SMYD3: variants seen among roughly 807,000 people sequenced by gnomAD.
SMYD3 encodes SET and MYND domain containing 3.
A neutral mutation model predicts 57.7 loss-of-function variants in SMYD3; 36 were observed. The ratio of observed to expected loss-of-function variants is 0.62; its 90% CI spans 0.48 to 0.82. SMYD3 has a LOEUF of 0.82. SMYD3 is among the 40% of genes least tolerant of loss of function. SMYD3 has a pLI of 0.00. For missense variants in SMYD3, 515 were observed against 538.8 expected, an observed-to-expected ratio of 0.96 and a Z score of 0.44; for synonymous variants, 211 against 195.0, an observed-to-expected ratio of 1.08 and a Z score of -0.68.
chr1:245,892,592 C>A (rs1489635804), intron 8 of SMYD3, among the ~76,000 whole-genome samples: 1 of 152,160 alleles, frequency 6.6e-6, no homozygotes, highest in Admixed American at 6.5e-5. Flanking sequence ...GAACTAGAAC[C>A]CAACTTCTGC....
At chr1:245,956,058 G>A (rs899842102) in intron 5 of SMYD3, 1 of 984,132 alleles carries the variant, frequency 1.0e-6, no homozygotes, top group Non-Finnish European at 1.2e-6. Flanking sequence ...TCATTACTAG[G>A]TTATACAAAT....
chr1:245,856,237 CA>C (rs773538553), intron 10 of SMYD3, among the ~76,000 whole-genome samples: 1 of 152,232 alleles, frequency 6.6e-6, no homozygotes, highest in South Asian at 2.1e-4. Flanking sequence ...CCATTTCTCT[CA>C]ACTTTGTTGG....
intron 1 of SMYD3, among the ~76,000 whole-genome samples, chr1:246,435,454 A>G (rs1572498871): frequency 6.6e-6 from 1 of 152,106 alleles, no homozygotes; most frequent in East Asian, 1.9e-4. Context: ...CATGGAATAA[A>G]CAAAACAAAG....
chr1:246,390,849 G>GCAA (rs373260000), intron 1 of SMYD3, among the ~76,000 whole-genome samples: 3 of 151,788 alleles, frequency 2.0e-5, no homozygotes, highest in Admixed American at 6.6e-5. Flanking sequence ...CAGCACTAGA[G>GCAA]CAACAACAAC....
At chr1:245,785,160 G>A (rs2046984535) in intron 10 of SMYD3, among the ~76,000 whole-genome samples, 1 of 151,904 alleles carries the variant, frequency 6.6e-6, no homozygotes, top group African/African-American at 2.4e-5. Context: ...GGAATTACAG[G>A]CATGAGCCAT....
At chr1:246,346,154 G>A (rs1357661542) in intron 2 of SMYD3, among the ~76,000 whole-genome samples, 4 of 152,054 alleles carry the variant, frequency 2.6e-5, no homozygotes, top group Admixed American at 2.6e-4. Flanking sequence ...CGTGGTGGCG[G>A]GCACCTGTAG....
chr1:246,202,874 C>T lies in SMYD3; in HGVS notation c.531+124327G>A, dbSNP rs2062941742. On this transcript the variant is annotated intron_variant, in intron 5 of 11. Coordinates refer to ENST00000490107, the MANE Select transcript of SMYD3 (RefSeq NM_001167740.2). This position sits in a 1 kb window ranked among gnomAD's most constrained non-coding sequence, Gnocchi z 4.1. ...TGGGTGAGGTGGCTCACGCTTTAAT[C>T]CCAGCACTTTGGGAGGCCAAGATAG... is the stretch of plus-strand genomic sequence containing the variant. Among the ~76,000 whole-genome samples, 1 of 152,154 alleles carries T rather than the reference C, an allele frequency of 6.6e-6. No individual in the cohort carries two copies. Among genetic ancestry groups the T allele is most frequent in the Non-Finnish European group, 1.5e-5 (1 of 68,028 alleles).
At chr1:246,340,250 T>A (rs1553335563) in intron 2 of SMYD3, among the ~76,000 whole-genome samples, 1 of 151,720 alleles carries the variant, frequency 6.6e-6, no homozygotes, top group Non-Finnish European at 1.5e-5. Context: ...TTCAATTACA[T>A]AACAATAAAG....
chr1:245,781,787 C>G (rs538837750), intron 10 of SMYD3, among the ~76,000 whole-genome samples: 6 of 152,082 alleles, frequency 3.9e-5, no homozygotes, highest in Admixed American at 1.3e-4. Context: ...CTGGCTAATA[C>G]GGTGAAACCC....
At chr1:246,387,179 T>A (rs996185203) in intron 1 of SMYD3, among the ~76,000 whole-genome samples, 2 of 152,178 alleles carry the variant, frequency 1.3e-5, no homozygotes, top group African/African-American at 4.8e-5. Context: ...AACCACCGCA[T>A]GAGGCAACGT....
chr1:246,340,796 T>C (rs1413945730), intron 2 of SMYD3, among the ~76,000 whole-genome samples: 2 of 152,134 alleles, frequency 1.3e-5, no homozygotes, highest in African/African-American at 4.8e-5. Context: ...GGAAATCCCA[T>C]CTCTATAAAA....
In SMYD3 at chr1:246,146,404, G is replaced by A. The variant is rs113233798; in HGVS notation, c.531+180797C>T. On this transcript the variant is annotated intron_variant, in intron 5 of 11. Coordinates refer to ENST00000490107, the MANE Select transcript of SMYD3 (RefSeq NM_001167740.2). ...TTATGGCCTGACCTCAGTAGAACACGTACCTGCACATGTGAGTTAACGACA... is the reference window on the plus strand; with the variant it reads ...TTATGGCCTGACCTCAGTAGAACACATACCTGCACATGTGAGTTAACGACA... 8.1e-3 allele frequency among the ~76,000 whole-genome samples: 1,232 copies of A among 152,250 alleles called. 12 individuals are homozygous for A. Among genetic ancestry groups the A allele is most frequent in the African/African-American group, 0.027 (1,141 of 41,538 alleles).
intron 10 of SMYD3, among the ~76,000 whole-genome samples, chr1:245,771,809 T>C (rs1402707112): frequency 6.6e-6 from 1 of 151,814 alleles, no homozygotes; most frequent in African/African-American, 2.4e-5. Flanking sequence ...TTATTAGTAA[T>C]ATGATATATT....
chr1:246,010,820 T>G (rs1273430600), intron 5 of SMYD3, among the ~76,000 whole-genome samples: 1 of 152,212 alleles, frequency 6.6e-6, no homozygotes, highest in African/African-American at 2.4e-5. Flanking sequence ...TTAGATAGTA[T>G]GTGCTGAATA....
intron 7 of SMYD3, among the ~76,000 whole-genome samples, chr1:245,925,745 A>T (rs1002981846): frequency 6.6e-6 from 1 of 152,232 alleles, no homozygotes; most frequent in African/African-American, 2.4e-5. Context: ...TACAGAAATA[A>T]GACACGATTG....
chr1:246,167,134 G>A (rs1293880870), intron 5 of SMYD3, among the ~76,000 whole-genome samples: 1 of 152,230 alleles, frequency 6.6e-6, no homozygotes, highest in Non-Finnish European at 1.5e-5. Context: ...TTTGATGGCT[G>A]AATGATACTC....
At chr1:245,809,433 C>T (rs1934583) in intron 10 of SMYD3, among the ~76,000 whole-genome samples, 1,562 of 152,194 alleles carry the variant, frequency 0.01, 21 homozygotes, top group African/African-American at 0.034. Flanking sequence ...GCAGGAGAGG[C>T]GCTTTCTTCC....
chr1:245,962,558 G>A (rs991379104), intron 5 of SMYD3, among the ~76,000 whole-genome samples: 11 of 152,046 alleles, frequency 7.2e-5, no homozygotes, highest in African/African-American at 1.7e-4. Context: ...TTTAGGTTTC[G>A]TGGCCAGACA....
Position 245,913,954 on chromosome 1 carries a change from C to CA in SMYD3, c.813+1575dup, listed in dbSNP as rs1305682123. 4.6e-5 allele frequency among the ~76,000 whole-genome samples: 7 copies of CA among 151,560 alleles called. No individual in the cohort carries two copies. In the South Asian group the frequency reaches 6.3e-4, roughly 14 times the overall value. ...TGAGAATGACTATTATCAAAAAGACCAAAAAAAATAAAAATAACAAATGCT... is the reference window on the plus strand; with the variant it reads ...TGAGAATGACTATTATCAAAAAGACCAAAAAAAAATAAAAATAACAAATGCT... On this transcript the variant is annotated intron_variant, in intron 8 of 11. Transcript: ENST00000490107.
Sources: gnomAD v4.1 joint callset for allele counts (sites outside exome capture counted in the v4.1 genomes callset) on GRCh38, gnomAD v4.1.1 for gene constraint, Gnocchi (gnomAD v3.1) non-coding constraint, MANE v1.5 for transcripts, NCBI Gene and HGNC (gene_info 2026-07-23, HGNC 2026-07-21) for gene names.